The following IARS1 variants were observed in gnomAD, a reference collection of about 807,000 sequenced individuals.
IARS1 encodes isoleucine--tRNA ligase, cytoplasmic.
Under a neutral mutation model 168.2 loss-of-function variants are expected in IARS1, and 124 were observed. The ratio of observed to expected loss-of-function variants is 0.74; its 90% CI spans 0.64 to 0.86. The LOEUF is 0.86. Among genes scored for constraint, IARS1 ranks in the 40% least tolerant of loss-of-function variants. The pLI, the probability that IARS1 is intolerant of heterozygous loss-of-function variation, is 0.00. For missense variants in IARS1, 1,452 were observed against 1,515.8 expected, an observed-to-expected ratio of 0.96 and a Z score of 0.70; for synonymous variants, 532 against 529.4, an observed-to-expected ratio of 1.00 and a Z score of -0.07.
chr9:92,293,345 T>C (rs985939819), intron 1 of IARS1: 14 of 340,714 alleles, frequency 4.1e-5, no homozygotes, highest in Admixed American at 3.1e-4. Flanking sequence ...AATTAAGACA[T>C]ATAAAAATAC....
intron 25 of IARS1, among the ~76,000 whole-genome samples, chr9:92,248,679 T>C (rs964639927): frequency 7.3e-6 from 1 of 137,062 alleles, no homozygotes; most frequent in African/African-American, 2.7e-5. Flanking sequence ...AAAAAAAAAA[T>C]TTCTATTTTA....
chr9:92,242,257 A>C lies in IARS1; in HGVS notation c.3074T>G (p.Val1025Gly). The C allele has an allele frequency of 6.2e-7, 1 of 1,613,842 alleles. No individual in the cohort carries two copies. Among genetic ancestry groups the C allele is most frequent in the Non-Finnish European group, 8.5e-7 (1 of 1,179,688 alleles). ...AKSEGTYLNS[V>G]IESHTEFIFT... Reference sequence around the variant, plus strand: ...TATGAACTCTGTGTGGCTTTCAATAACACTATTCAGATATGTTCCTTCAGA... The same window carrying C: ...TATGAACTCTGTGTGGCTTTCAATACCACTATTCAGATATGTTCCTTCAGA... The change falls in exon 29 of 34, where the codon GTT becomes GGT. Residue 1025 changes from valine to glycine, a missense_variant. Val to Gly is a moderately radical substitution (Grantham distance 109). Coordinates refer to ENST00000443024, the MANE Select transcript of IARS1 (RefSeq NM_002161.6).
intron 26 of IARS1, 65 bp downstream of exon 26, chr9:92,247,312 G>A: frequency 1.4e-6 from 2 of 1,465,416 alleles, no homozygotes; most frequent in Non-Finnish European, 1.9e-6. Context: ...AAGTCAAACA[G>A]TAGCCTAAAA....
At chr9:92,223,723 G>GCTAA (rs1308124165) in intron 31 of IARS1, among the ~76,000 whole-genome samples, 3 of 152,096 alleles carry the variant, frequency 2.0e-5, no homozygotes, top group Non-Finnish European at 4.4e-5. Context: ...GAAATATAGG[G>GCTAA]CTAATTGTTT....
At chr9:92,254,712 C>G (rs1309831642) in intron 20 of IARS1, among the ~76,000 whole-genome samples, 1 of 152,184 alleles carries the variant, frequency 6.6e-6, no homozygotes, top group Non-Finnish European at 1.5e-5. Flanking sequence ...ACTCCACATA[C>G]AATGGATAAA....
chr9:92,248,482 G>A (rs1177783490), intron 25 of IARS1, among the ~76,000 whole-genome samples: 1 of 151,338 alleles, frequency 6.6e-6, no homozygotes, highest in Non-Finnish European at 1.5e-5. Context: ...AGACCAGCCC[G>A]GGCAACATGG....
intron 30 of IARS1, among the ~76,000 whole-genome samples, chr9:92,233,904 G>C (rs1587738916): frequency 6.6e-6 from 1 of 152,198 alleles, no homozygotes; most frequent in East Asian, 1.9e-4. Flanking sequence ...TGGGACTAAA[G>C]GCGAACACCA....
intron 17 of IARS1, among the ~76,000 whole-genome samples, chr9:92,261,336 C>A (rs1402789235): frequency 6.6e-6 from 1 of 151,916 alleles, no homozygotes; most frequent in Non-Finnish European, 1.5e-5. Context: ...AGCCAATTCC[C>A]CCAAGTTAGT....
chr9:92,253,809 T>A (rs1046816731), intron 20 of IARS1: 1 of 495,090 alleles, frequency 2.0e-6, no homozygotes, highest in Non-Finnish European at 4.0e-6. Context: ...TTTGACAGCA[T>A]CAACAATGCC....
At chr9:92,213,270 AACCGGG>A (rs767036033) in intron 33 of IARS1, among the ~76,000 whole-genome samples, 6 of 152,294 alleles carry the variant, frequency 3.9e-5, no homozygotes, top group Middle Eastern at 3.4e-3. Flanking sequence ...GGTATATACA[AACCGGG>A]AAGTCCAACA....
At chr9:92,211,797 A>G (rs1272996706) in intron 33 of IARS1, among the ~76,000 whole-genome samples, 1 of 152,206 alleles carries the variant, frequency 6.6e-6, no homozygotes, top group African/African-American at 2.4e-5. Flanking sequence ...ACGTCTGGAG[A>G]AGTAAAAGTA....
chr9:92,273,800 G>A (rs1564183259), intron 10 of IARS1, among the ~76,000 whole-genome samples: 2 of 152,172 alleles, frequency 1.3e-5, no homozygotes, highest in Non-Finnish European at 2.9e-5. Flanking sequence ...CCCTCTCACT[G>A]ACAAAACGAT....
chr9:92,235,268 A>G lies in IARS1; in HGVS notation c.3283+5588T>C, dbSNP rs138655320. ...GCTAGAACTTCCAGTACAATGTCGAATATGAGTTGTGATTGCCTTGTTCCT... is the reference window on the plus strand; with the variant it reads ...GCTAGAACTTCCAGTACAATGTCGAGTATGAGTTGTGATTGCCTTGTTCCT... On this transcript the variant is annotated intron_variant, in intron 30 of 33. Coordinates refer to ENST00000443024, the MANE Select transcript of IARS1 (RefSeq NM_002161.6). 3.0e-3 allele frequency among the ~76,000 whole-genome samples: 459 copies of G among 152,330 alleles called. 3 individuals carry two copies. The highest frequency in any genetic ancestry group is 0.011 in the African/African-American group (448 of 41,556).
chr9:92,230,433 A>C (rs1173247308), intron 30 of IARS1, among the ~76,000 whole-genome samples: 1 of 152,090 alleles, frequency 6.6e-6, no homozygotes, highest in Non-Finnish European at 1.5e-5. Flanking sequence ...TCAATTTCTA[A>C]GGATTAAAAT....
At chr9:92,265,694 A>G (rs1375909862) in intron 14 of IARS1, 141 bp from the exon 15 acceptor site, 1 of 703,408 alleles carries the variant, frequency 1.4e-6, no homozygotes, top group African/African-American at 1.8e-5. Flanking sequence ...TCTCACTACC[A>G]TTGCCCAGGC....
rs764169503 is a variant in IARS1, at chr9:92,223,457, T to C, written c.3442A>G (p.Ser1148Gly). 1.9e-6 allele frequency: 3 copies of C among 1,613,764 alleles called. No homozygotes were observed. Among genetic ancestry groups the C allele is most frequent in the South Asian group, 2.2e-5 (2 of 91,044 alleles). The change falls in exon 32 of 34, where the codon AGT becomes GGT. Residue 1148 changes from serine to glycine, a missense_variant. Coordinates refer to ENST00000443024, the MANE Select transcript of IARS1 (RefSeq NM_002161.6). ...IQNQTDLLSL[S>G]GKTLCVTAGS... ...GCAGTCACACAAAGTGTTTTTCCAC[T>C]AAGACTCAGTAAGTCAGTTTGGTTT... is the stretch of plus-strand genomic sequence containing the variant.
intron 30 of IARS1, among the ~76,000 whole-genome samples, chr9:92,234,488 G>A (rs1001168660): frequency 6.6e-6 from 1 of 152,196 alleles, no homozygotes; most frequent in Non-Finnish European, 1.5e-5. Context: ...CTGGTCAACT[G>A]ACCCAGGAAT....
In IARS1 at chr9:92,293,625, G is replaced by GTGCC; in HGVS notation, c.-26_-23dup. 1 of 329,186 alleles carries GTGCC rather than the reference G, an allele frequency of 3.0e-6. No homozygotes were observed. Among genetic ancestry groups the GTGCC allele is most frequent in the Non-Finnish European group, 6.4e-6 (1 of 155,568 alleles). The allele number at this position is 329,186 out of a possible 1,614,324, so 20.4% of individuals were successfully genotyped here. Reference sequence around the variant, plus strand: ...AGAGGGCGTACCTGAGGGGCCTCGCGTGCCTGGACAGCCCCGCGGGCCAGC... The same window carrying GTGCC: ...AGAGGGCGTACCTGAGGGGCCTCGCGTGCCTGCCTGGACAGCCCCGCGGGCCAGC... On this transcript the variant is annotated 5_prime_UTR_variant, in exon 1 of 34. Coordinates refer to ENST00000443024, the MANE Select transcript of IARS1 (RefSeq NM_002161.6).
At chr9:92,274,395 C>A in intron 10 of IARS1, 31 bp downstream of exon 10, 2 of 1,547,956 alleles carry the variant, frequency 1.3e-6, no homozygotes, top group South Asian at 2.2e-5. Flanking sequence ...CCGACATACT[C>A]AAATACATTT....
Sources: allele counts gnomAD v4.1 joint callset (sites outside exome capture counted in the v4.1 genomes callset), GRCh38; gene constraint gnomAD v4.1.1; transcripts MANE v1.5; gene names NCBI Gene and HGNC (gene_info 2026-07-23, HGNC 2026-07-21).